Variants in PKP4 observed in about 807,000 individuals in gnomAD.
PKP4 encodes the protein plakophilin-4.
In PKP4, 90 loss-of-function variants were observed where a neutral mutation model predicts 145.1. The ratio of observed to expected loss-of-function variants is 0.62; its 90% confidence interval spans 0.52 to 0.74. The LOEUF (loss-of-function observed/expected upper bound fraction) is 0.74, where lower values mean the gene tolerates loss of function less well. PKP4 is among the 30% of genes least tolerant of loss of function. The probability of loss-of-function intolerance (pLI) is 0.00; values close to 1 mark genes in which losing one functional copy is unlikely to be tolerated. For synonymous variants in PKP4, 563 were observed against 577.2 expected, an observed-to-expected ratio of 0.98 and a Z score of 0.35; for missense variants, 1,340 against 1,482.7, an observed-to-expected ratio of 0.90 and a Z score of 1.58.
chr2:158,504,000 T>C (rs1696964148), intron 1 of PKP4, among the ~76,000 whole-genome samples: 1 of 145,848 alleles, frequency 6.9e-6, no homozygotes, highest in Non-Finnish European at 1.5e-5. Flanking sequence ...AGTAATGAGT[T>C]TGAGATATAA....
At chr2:158,537,581 A>G (rs141458891) in intron 2 of PKP4, among the ~76,000 whole-genome samples, 136 of 152,354 alleles carry the variant, frequency 8.9e-4, no homozygotes, top group African/African-American at 2.9e-3. Context: ...ATCCTTTAGC[A>G]GATTCTACTG....
At chr2:158,545,188 G>A (rs1044512007) in intron 2 of PKP4, among the ~76,000 whole-genome samples, 2 of 144,428 alleles carry the variant, frequency 1.4e-5, no homozygotes, top group Non-Finnish European at 3.0e-5. Flanking sequence ...CCCCTTTGGG[G>A]GCTCAGCTTC....
In PKP4 at chr2:158,589,370, G is replaced by T. The variant is rs573772070; in HGVS notation, c.245+11987G>T. Among the ~76,000 whole-genome samples the T allele has an allele frequency of 3.3e-5, 5 of 152,168 alleles. No homozygotes were observed. In the South Asian group the frequency reaches 1.0e-3, roughly 32 times the overall value. On this transcript the variant is annotated intron_variant, in intron 3 of 21. Transcript: ENST00000389759. The stretch of plus-strand genomic sequence containing the variant: ...CTTGCTTTACCATTGGAGTGTCAAG[G>T]GGGTGGGAAGACTTCAGTACTCCAT...
At chr2:158,599,390 C>T (rs1052464418) in intron 3 of PKP4, among the ~76,000 whole-genome samples, 2 of 152,340 alleles carry the variant, frequency 1.3e-5, no homozygotes, top group Admixed American at 6.5e-5. Flanking sequence ...GCCATACCCT[C>T]ATGGAGGTTA....
chr2:158,516,146 G>A (rs2105545876), intron 1 of PKP4, among the ~76,000 whole-genome samples: 2 of 151,640 alleles, frequency 1.3e-5, no homozygotes, highest in South Asian at 2.1e-4. Context: ...ATTTCTCGGA[G>A]TCTTTATGAT....
chr2:158,653,348 C>T (rs2528581), intron 11 of PKP4, among the ~76,000 whole-genome samples: 70,435 of 152,020 alleles, frequency 0.46, 17,696 homozygotes, highest in East Asian at 0.78. Context: ...ATTATCAGTT[C>T]GCCATTAGAA....
intron 1 of PKP4, among the ~76,000 whole-genome samples, chr2:158,518,472 G>A (rs6730686): frequency 0.67 from 102,072 of 152,058 alleles, 34,492 homozygotes; most frequent in South Asian, 0.83. Context: ...GTCACCTGGA[G>A]TTACTGTCTA....
At chr2:158,529,848 T>A (rs2043357571) in intron 1 of PKP4, among the ~76,000 whole-genome samples, 1 of 152,214 alleles carries the variant, frequency 6.6e-6, no homozygotes, top group Non-Finnish European at 1.5e-5. Context: ...TATTTTAATT[T>A]TATCTCCCTC....
intron 14 of PKP4, 64 bp from the exon 15 acceptor site, chr2:158,663,208 G>A (rs1431788496): frequency 4.5e-6 from 7 of 1,553,364 alleles, no homozygotes; most frequent in Non-Finnish European, 5.3e-6. Flanking sequence ...AAAGGTGAAT[G>A]TTTTCAAGTA....
At position 158,603,210 on chromosome 2, in the gene PKP4, T is replaced by C. The variant is rs572932106; in HGVS notation, c.280+106T>C. On this transcript the variant is annotated intron_variant, in intron 4 of 21. Transcript: ENST00000389759. ...GAAATAAGCCAAGCAAAGCCTTTAA[T>C]AGTGACAATATTGCGCTACATTGCT... 115 of 604,956 alleles carry C rather than the reference T, an allele frequency of 1.9e-4. No individual in the cohort carries two copies. In the African/African-American group the frequency reaches 1.9e-3, roughly 10 times the overall value. The allele number at this position is 604,956 out of a possible 1,614,324, so 37.5% of individuals were successfully genotyped here.
intron 2 of PKP4, among the ~76,000 whole-genome samples, chr2:158,567,675 TAG>T: frequency 6.6e-6 from 1 of 152,248 alleles, no homozygotes; most frequent in East Asian, 1.9e-4. Context: ...TTGTAAAACA[TAG>T]AGATTATTGG....
chr2:158,594,197 G>A (rs1449207571), intron 3 of PKP4, among the ~76,000 whole-genome samples: 1 of 152,138 alleles, frequency 6.6e-6, no homozygotes, highest in East Asian at 1.9e-4. Context: ...CTCACTGGTG[G>A]AAGGCAACTC....
At chr2:158,632,608 G>A (rs917361511) in intron 8 of PKP4, 2 of 152,038 alleles carry the variant, frequency 1.3e-5, no homozygotes, top group Non-Finnish European at 2.9e-5. Flanking sequence ...TGCACGGCTA[G>A]CTCATGGAGT....
intron 19 of PKP4, among the ~76,000 whole-genome samples, chr2:158,675,415 CA>C (rs1177210743): frequency 1.3e-5 from 2 of 151,938 alleles, no homozygotes; most frequent in Admixed American, 1.3e-4. Flanking sequence ...CCAAGGACGC[CA>C]AAAGATTGCA....
At position 158,541,229 on chromosome 2, in the gene PKP4, C is replaced by T. The variant is rs548022531; in HGVS notation, c.132+7913C>T. 1.4e-4 allele frequency among the ~76,000 whole-genome samples: 21 copies of T among 152,164 alleles called. No individual in the cohort carries two copies. The South Asian group carries it at 4.3e-3, about 32-fold the overall frequency. Reference sequence around the variant, plus strand: ...GTGCCTATCTTCATGTTTAAGGGCTCCCAATTTCTAAATTGCCATTTTTGT... The same window carrying T: ...GTGCCTATCTTCATGTTTAAGGGCTTCCAATTTCTAAATTGCCATTTTTGT... On this transcript the variant is annotated intron_variant, in intron 2 of 21. Transcript: ENST00000389759.
At chr2:158,672,440 A>G (rs1047011444) in intron 17 of PKP4, among the ~76,000 whole-genome samples, 1 of 152,134 alleles carries the variant, frequency 6.6e-6, no homozygotes, top group African/African-American at 2.4e-5. Context: ...TTCAGTTGTC[A>G]TCCTACCAGG....
At chr2:158,663,717 G>A (rs1219251048) in intron 15 of PKP4, among the ~76,000 whole-genome samples, 1 of 152,204 alleles carries the variant, frequency 6.6e-6, no homozygotes, top group Non-Finnish European at 1.5e-5. Context: ...CAGGATGTAT[G>A]TGCTGTGGGG....
rs1262754208 is a variant in PKP4, at chr2:158,663,023, G to A, written c.2338G>A (p.Asp780Asn). The part of the protein sequence containing the change: ...DLLGKESPSK[D>N]SEPSCWGKKK... ...ACTAGGAAAAGAGTCTCCCAGCAAAGACTCTGAGCCAAGTTGCTGGGGGAA... is the reference window on the plus strand; with the variant it reads ...ACTAGGAAAAGAGTCTCCCAGCAAAAACTCTGAGCCAAGTTGCTGGGGGAA... The change falls in exon 14 of 22, where the codon GAC becomes AAC. Residue 780 changes from aspartate (D) to asparagine (N), a missense_variant. Asp to Asn is a conservative substitution (Grantham distance 23). Transcript: ENST00000389759. The A allele has an allele frequency of 2.5e-6, 4 of 1,613,932 alleles. No individual in the cohort carries two copies. In the African/African-American group the frequency reaches 5.3e-5, roughly 22 times the overall value.
chr2:158,506,065 A>G (rs2040949477), intron 1 of PKP4, among the ~76,000 whole-genome samples: 1 of 152,246 alleles, frequency 6.6e-6, no homozygotes, highest in Non-Finnish European at 1.5e-5. Flanking sequence ...GGTTGTGTAA[A>G]TATGAAGAAA....
Sources: allele counts gnomAD v4.1 joint callset (sites outside exome capture counted in the v4.1 genomes callset), GRCh38; gene constraint gnomAD v4.1.1; transcripts MANE v1.5; gene names NCBI Gene and HGNC (gene_info 2026-07-23, HGNC 2026-07-21).